ADAMTS16: variants seen among roughly 807,000 people sequenced by gnomAD.
ADAMTS16 encodes the protein ADAM metallopeptidase with thrombospondin type 1 motif 16, also known as A disintegrin and metalloproteinase with thrombospondin motifs 16.
Under a neutral mutation model 145.8 loss-of-function variants are expected in ADAMTS16, and 94 were observed. The ratio of observed to expected loss-of-function variants is 0.64; its 90% CI spans 0.55 to 0.77. ADAMTS16 has a LOEUF of 0.77. ADAMTS16 is among the 30% of genes least tolerant of loss of function. The pLI is 0.00. For missense variants in ADAMTS16, 1,585 were observed against 1,591.5 expected (o/e 1.00, Z 0.07); for synonymous variants, 659 against 604.3 (o/e 1.09, Z -1.33).
intron 21 of ADAMTS16, among the ~76,000 whole-genome samples, chr5:5,307,595 TGGA>T (rs1436195946): frequency 1.3e-5 from 2 of 152,164 alleles, no homozygotes; most frequent in Admixed American, 1.3e-4. Context: ...GGTGCCACAG[TGGA>T]ATGGACAGGA....
chr5:5,233,719 C>T (rs13174653), intron 12 of ADAMTS16, among the ~76,000 whole-genome samples: 460 of 152,318 alleles, frequency 3.0e-3, no homozygotes, highest in Middle Eastern at 0.027. Context: ...GTATGTACCA[C>T]ATTTTCATTA....
At chr5:5,189,259 C>T (rs921167577) in intron 6 of ADAMTS16, among the ~76,000 whole-genome samples, 18 of 152,204 alleles carry the variant, frequency 1.2e-4, no homozygotes, top group African/African-American at 4.1e-4. Context: ...TAACTTGGTG[C>T]AGGCTGGTCT....
rs556474226 is a variant in ADAMTS16 at position 5,248,085 on chromosome 5, C to G, written c.2662+5894C>G. On this transcript the variant is annotated intron_variant, in intron 17 of 22. Transcript: ENST00000274181. ...AAACAATGCATGCTTCTTTTGAGAG[C>G]TCATGCGTTCATTTATGGAACACCG... Among the ~76,000 whole-genome samples, 21 of 152,350 alleles carry G rather than the reference C, an allele frequency of 1.4e-4. No homozygotes were observed. The South Asian group carries it at 4.4e-3, about 32-fold the overall frequency.
chr5:5,306,792 G>C lies in ADAMTS16; in HGVS notation c.3411+64G>C, dbSNP rs1056079410. On this transcript the variant is annotated intron_variant, in intron 21 of 22. Coordinates refer to ENST00000274181, the MANE Select transcript of ADAMTS16 (RefSeq NM_139056.4). ...CAGCTTGGCCTGGGGTTGGCCGCTG[G>C]CTCCCGGGGATGCTTCTGCGAGGGT... 4.9e-6 allele frequency: 7 copies of C among 1,438,706 alleles called. No individual in the cohort carries two copies. The Admixed American group carries it at 7.4e-5, about 15-fold the overall frequency. The allele number at this position is 1,438,706 out of a possible 1,614,324, so 89.1% of individuals were successfully genotyped here.
chr5:5,242,074 C>G lies in ADAMTS16; in HGVS notation c.2545C>G (p.Pro849Ala), dbSNP rs752661811. 1.9e-6 allele frequency: 3 copies of G among 1,613,982 alleles called. No homozygotes were observed. Among genetic ancestry groups the G allele is most frequent in the Non-Finnish European group, 2.5e-6 (3 of 1,180,006 alleles). ...IVELLFQGRN[P>A]GVAWEYSMPR... ...GTAGCTGCTGTTTCAGGGAAGGAAC[C>G]CGGGTGTTGCCTGGGAATACTCCAT... The change falls in exon 17 of 23, where the codon CCG becomes GCG. Residue 849 changes from proline to alanine, a missense_variant. Transcript: ENST00000274181.
At chr5:5,235,319 T>G in intron 13 of ADAMTS16, 133 bp downstream of exon 13, 2 of 963,134 alleles carry the variant, frequency 2.1e-6, no homozygotes, top group Non-Finnish European at 2.8e-6. Flanking sequence ...GCATATTCTC[T>G]TCTGGAGGTT....
At chr5:5,156,483 C>G (rs1734607007) in intron 3 of ADAMTS16, among the ~76,000 whole-genome samples, 1 of 152,154 alleles carries the variant, frequency 6.6e-6, no homozygotes, top group Non-Finnish European at 1.5e-5. Flanking sequence ...AATATTCCAG[C>G]CTTATATAGG....
chr5:5,209,358 T>C (rs1346251232), intron 10 of ADAMTS16, 112 bp downstream of exon 10: 8 of 1,310,826 alleles, frequency 6.1e-6, no homozygotes, highest in Non-Finnish European at 8.4e-6. Flanking sequence ...AAATGTCAAA[T>C]CCTGTATGTT....
intron 4 of ADAMTS16, among the ~76,000 whole-genome samples, chr5:5,184,818 C>T (rs1486322239): frequency 6.6e-6 from 1 of 152,068 alleles, no homozygotes; most frequent in Non-Finnish European, 1.5e-5. Context: ...CCCCTGCCCC[C>T]AATACTGAGG....
At chr5:5,308,949 CAAA>C (rs56068510) in intron 21 of ADAMTS16, among the ~76,000 whole-genome samples, 10 of 87,162 alleles carry the variant, frequency 1.1e-4, no homozygotes, top group Admixed American at 1.3e-4. Flanking sequence ...GACTCCGTCT[CAAA>C]AAAAAAAAAA....
chr5:5,296,125 C>G (rs78975042), intron 18 of ADAMTS16, among the ~76,000 whole-genome samples: 2,182 of 152,280 alleles, frequency 0.014, 39 homozygotes, highest in African/African-American at 0.05. Context: ...TGTGGTCCAT[C>G]CCAGCTCCGA....
At chr5:5,154,887 G>T (rs771186979) in intron 3 of ADAMTS16, among the ~76,000 whole-genome samples, 39 of 152,182 alleles carry the variant, frequency 2.6e-4, no homozygotes, top group Non-Finnish European at 4.9e-4. Flanking sequence ...TGATTCCCTG[G>T]GTGTAACAGA....
chr5:5,263,640 G>A (rs371744084), intron 18 of ADAMTS16, among the ~76,000 whole-genome samples: 16 of 152,344 alleles, frequency 1.1e-4, no homozygotes, highest in East Asian at 3.9e-4. Flanking sequence ...CAGACCAGGC[G>A]TGTTGCCTGG....
chr5:5,173,901 T>C (rs1735118418), intron 3 of ADAMTS16, among the ~76,000 whole-genome samples: 1 of 152,250 alleles, frequency 6.6e-6, no homozygotes, highest in African/African-American at 2.4e-5. Flanking sequence ...ATTTTAGTCT[T>C]ATTTCTCAAA....
At chr5:5,189,921 ATGTTTTCTC>A (rs1560941179) in intron 6 of ADAMTS16, 41 bp from the exon 7 acceptor site, 6 of 1,600,598 alleles carry the variant, frequency 3.7e-6, no homozygotes, top group Non-Finnish European at 5.1e-6. Context: ...GCATTATAAC[ATGTTTTCTC>A]TTCATTATCA....
At chr5:5,289,908 G>A (rs914970157) in intron 18 of ADAMTS16, among the ~76,000 whole-genome samples, 1 of 152,198 alleles carries the variant, frequency 6.6e-6, no homozygotes, top group African/African-American at 2.4e-5. Flanking sequence ...TTAATCAAAA[G>A]TGCTGTCTCT....
At chr5:5,306,042 C>T (rs764289929) in intron 20 of ADAMTS16, among the ~76,000 whole-genome samples, 1 of 152,196 alleles carries the variant, frequency 6.6e-6, no homozygotes, top group African/African-American at 2.4e-5. Flanking sequence ...TTCCTTTCCT[C>T]GCAGGCAGCA....
chr5:5,308,495 A>G (rs1464250768), intron 21 of ADAMTS16, among the ~76,000 whole-genome samples: 3 of 152,128 alleles, frequency 2.0e-5, no homozygotes, highest in South Asian at 2.1e-4. Flanking sequence ...TATCAGCATA[A>G]CAAGCCCATC....
chr5:5,284,952 G>A (rs1289889795), intron 18 of ADAMTS16, among the ~76,000 whole-genome samples: 1 of 152,062 alleles, frequency 6.6e-6, no homozygotes, highest in Admixed American at 6.5e-5. Context: ...CACTTATTCT[G>A]AGTGCTTTAT....
Sources: gnomAD v4.1 joint callset for allele counts (sites outside exome capture counted in the v4.1 genomes callset) on GRCh38, gnomAD v4.1.1 for gene constraint, MANE v1.5 for transcripts, NCBI Gene and HGNC (gene_info 2026-07-23, HGNC 2026-07-21) for gene names.